GLCCI1: variants seen among roughly 807,000 people sequenced by gnomAD.
GLCCI1 encodes the protein glucocorticoid induced 1.
In GLCCI1, 24 loss-of-function variants were observed where a neutral mutation model predicts 52.2. That is an observed-to-expected ratio of 0.46 (90% CI 0.33 to 0.65). The LOEUF is 0.65. Among genes scored for constraint, GLCCI1 ranks in the 30% least tolerant of loss-of-function variants. The pLI is 0.02. For missense variants in GLCCI1, 704 were observed against 701.5 expected (o/e 1.00, Z -0.04); for synonymous variants, 310 against 276.5 (o/e 1.12, Z -1.20).
At chr7:7,991,643 C>A (rs1393596207) in intron 1 of GLCCI1, among the ~76,000 whole-genome samples, 2 of 151,982 alleles carry the variant, frequency 1.3e-5, no homozygotes, top group East Asian at 1.9e-4. Flanking sequence ...TCTCTTTGTT[C>A]TGTAAGAGGC....
chr7:8,015,952 T>C (rs1781368263), intron 2 of GLCCI1, among the ~76,000 whole-genome samples: 1 of 152,194 alleles, frequency 6.6e-6, no homozygotes, highest in African/African-American at 2.4e-5. Flanking sequence ...TTCTCATGCC[T>C]TTGCCCCTAA....
chr7:8,036,316 A>G (rs1781867509), intron 3 of GLCCI1, among the ~76,000 whole-genome samples: 1 of 152,200 alleles, frequency 6.6e-6, no homozygotes, highest in Admixed American at 6.5e-5. Flanking sequence ...ACTCATAGAA[A>G]CTTTGCTTTC....
chr7:8,014,180 G>A (rs959557698), intron 2 of GLCCI1, among the ~76,000 whole-genome samples: 2 of 151,936 alleles, frequency 1.3e-5, no homozygotes, highest in Non-Finnish European at 2.9e-5. Context: ...TAGTAGAGAC[G>A]GGGTTTCACC....
intron 6 of GLCCI1, among the ~76,000 whole-genome samples, chr7:8,080,974 G>A (rs148357264): frequency 1.2e-4 from 18 of 151,230 alleles, no homozygotes; most frequent in East Asian, 9.7e-4. Context: ...CTCGCCCAGC[G>A]CTTATCCTAA....
intron 2 of GLCCI1, among the ~76,000 whole-genome samples, chr7:8,011,139 A>C (rs1277950478): frequency 6.6e-6 from 1 of 152,180 alleles, no homozygotes; most frequent in Non-Finnish European, 1.5e-5. Context: ...AAAAAAAATA[A>C]TGAAATTTAC....
Position 8,086,595 on chromosome 7 carries a change from C to T in GLCCI1, c.*57C>T. ...CATGGATTCGGAACAAGATTTCAGA[C>T]ATCTGCATGAGTGACAAACTTTCTG... On this transcript the variant is annotated 3_prime_UTR_variant, in exon 8 of 8. Transcript: ENST00000223145. This position sits in a 1 kb window ranked among gnomAD's most constrained non-coding sequence, Gnocchi z 4.4. 7.3e-7 allele frequency: 1 copy of T among 1,372,366 alleles called. No homozygotes were observed. The highest frequency in any genetic ancestry group is 1.0e-6 in the Non-Finnish European group (1 of 1,002,442). The allele number at this position is 1,372,366 out of a possible 1,614,324, so 85.0% of individuals were successfully genotyped here.
At chr7:7,994,635 T>G (rs1283108634) in intron 1 of GLCCI1, among the ~76,000 whole-genome samples, 1 of 152,210 alleles carries the variant, frequency 6.6e-6, no homozygotes, top group Non-Finnish European at 1.5e-5. Flanking sequence ...GTCCCAACTC[T>G]TAATACCATC....
rs1359821597 is a variant in GLCCI1 at position 7,969,668 on chromosome 7, G to C, written c.318G>C (p.Pro106=). 7.3e-5 allele frequency: 79 copies of C among 1,078,154 alleles called. No individual in the cohort carries two copies. The highest frequency in any genetic ancestry group is 8.3e-5 in the Non-Finnish European group (74 of 891,256). 66.8% of individuals were successfully genotyped at this position (1,078,154 alleles called of 1,614,324 possible). The part of the protein sequence containing the change: ...PGPGAARGPS[P]SSPTPPAAAA... ...CCGGCGCGGCCCGCGGCCCCAGCCCGTCCAGCCCGACGCCGCCGGCGGCCG... is the reference window on the plus strand; with the variant it reads ...CCGGCGCGGCCCGCGGCCCCAGCCCCTCCAGCCCGACGCCGCCGGCGGCCG... Residue 106 remains proline, a synonymous_variant, in exon 1 of 8, where the codon CCG becomes CCC. Coordinates refer to ENST00000223145, the MANE Select transcript of GLCCI1 (RefSeq NM_138426.4). The surrounding 1 kb of genome is among the most constrained non-coding windows in gnomAD (Gnocchi z 4.9).
In GLCCI1 at chr7:7,969,870, A is replaced by G. The variant is rs1780304917; in HGVS notation, c.457+63A>G. On this transcript the variant is annotated intron_variant, in intron 1 of 7. Coordinates refer to ENST00000223145, the MANE Select transcript of GLCCI1 (RefSeq NM_138426.4). The surrounding 1 kb of genome is among the most constrained non-coding windows in gnomAD (Gnocchi z 4.9). ...CTCCCCGACGGTGCCCTCCGTGGAA[A>G]CTTCAGCCTCTTCGGGCTTCTCTTT... The G allele has an allele frequency of 7.7e-7, 1 of 1,290,912 alleles. No individual in the cohort carries two copies. The highest frequency in any genetic ancestry group is 9.9e-7 in the Non-Finnish European group (1 of 1,007,390). The allele number at this position is 1,290,912 out of a possible 1,614,324, so 80.0% of individuals were successfully genotyped here.
intron 6 of GLCCI1, among the ~76,000 whole-genome samples, chr7:8,082,722 T>A (rs142604145): frequency 1.8e-3 from 278 of 152,292 alleles, no homozygotes; most frequent in Middle Eastern, 6.8e-3. Flanking sequence ...AAAACTCTGT[T>A]AAAAGATGCA....
In GLCCI1 at chr7:8,087,953, A is replaced by T. The variant is rs921554155; in HGVS notation, c.*1415A>T. 1.3e-5 allele frequency: 2 copies of T among 152,482 alleles called. No homozygotes were observed. The highest frequency in any genetic ancestry group is 4.8e-5 in the African/African-American group (2 of 41,426). 9.4% of individuals were successfully genotyped at this position (152,482 alleles called of 1,614,324 possible). ...TGGTCAATGGGAGAGCCTAACTTTC[A>T]TTGTTTTCTTCAGTACAAAGAGTAT... On this transcript the variant is annotated 3_prime_UTR_variant, in exon 8 of 8. Coordinates refer to ENST00000223145, the MANE Select transcript of GLCCI1 (RefSeq NM_138426.4).
intron 1 of GLCCI1, among the ~76,000 whole-genome samples, chr7:7,978,069 A>G (rs1251942853): frequency 1.3e-5 from 2 of 152,236 alleles, no homozygotes; most frequent in Non-Finnish European, 2.9e-5. Flanking sequence ...GCTAGGGTGC[A>G]TGGAACTTAA....
At chr7:8,065,872 A>G (rs1782620279) in intron 5 of GLCCI1, among the ~76,000 whole-genome samples, 1 of 152,076 alleles carries the variant, frequency 6.6e-6, no homozygotes, top group Non-Finnish European at 1.5e-5. Context: ...TGTCATCGTC[A>G]TGTCTCTGCC....
chr7:7,992,043 T>TTTTCTTTCTTTCTTTCTTTC (rs60028694), intron 1 of GLCCI1, among the ~76,000 whole-genome samples: 3 of 128,714 alleles, frequency 2.3e-5, no homozygotes, highest in East Asian at 2.2e-4. Context: ...AGAATTTATT[T>TTTTCTTTCTTTCTTTCTTTC]TTTCTTTCTT....
intron 2 of GLCCI1, 160 bp downstream of exon 2, chr7:8,004,219 G>T: frequency 1.6e-6 from 1 of 641,540 alleles, no homozygotes. Context: ...TGCAGTAATT[G>T]TTTTTTGTCA....
intron 5 of GLCCI1, among the ~76,000 whole-genome samples, chr7:8,069,630 T>C (rs566608168): frequency 2.3e-4 from 35 of 152,160 alleles, no homozygotes; most frequent in African/African-American, 8.2e-4. Context: ...ATGCTAGCAG[T>C]GCAAGTAAAG....
chr7:8,046,467 A>G (rs1782129930), intron 3 of GLCCI1, among the ~76,000 whole-genome samples: 1 of 152,198 alleles, frequency 6.6e-6, no homozygotes, highest in African/African-American at 2.4e-5. Context: ...CTTAAGTTTG[A>G]TAAGAAACAT....
At chr7:8,022,074 T>G (rs1266791709) in intron 2 of GLCCI1, among the ~76,000 whole-genome samples, 1 of 152,224 alleles carries the variant, frequency 6.6e-6, no homozygotes, top group Non-Finnish European at 1.5e-5. Context: ...ATTTGAAATG[T>G]AGGTCATTCT....
At chr7:8,040,525 AACACACACACACACACAC>A (rs58561376) in intron 3 of GLCCI1, among the ~76,000 whole-genome samples, 2 of 145,324 alleles carry the variant, frequency 1.4e-5, no homozygotes, top group African/African-American at 5.1e-5. Context: ...AGATATAATT[AACACACACACACACACAC>A]ACACACACAC....
Sources: allele counts gnomAD v4.1 joint callset (sites outside exome capture counted in the v4.1 genomes callset), GRCh38; gene constraint gnomAD v4.1.1; non-coding constraint Gnocchi (gnomAD v3.1); transcripts MANE v1.5; gene names NCBI Gene and HGNC (gene_info 2026-07-23, HGNC 2026-07-21).